The following PLPP4 variants were observed in gnomAD, a reference collection of about 807,000 sequenced individuals.
The protein encoded by PLPP4 is phospholipid phosphatase 4.
A neutral mutation model predicts 32.2 loss-of-function variants in PLPP4; 20 were observed. The ratio of observed to expected loss-of-function variants is 0.62; its 90% CI spans 0.44 to 0.90. The LOEUF (loss-of-function observed/expected upper bound fraction) is 0.90. Ranked by LOEUF, PLPP4 falls within the 40% of genes least tolerant of loss-of-function variation. The probability of loss-of-function intolerance (pLI) is 0.00; values close to 1 mark genes in which losing one functional copy is unlikely to be tolerated. For synonymous variants in PLPP4, 127 were observed against 133.0 expected, an observed-to-expected ratio of 0.95 and a Z score of 0.31; for missense variants, 257 against 353.1, an observed-to-expected ratio of 0.73 and a Z score of 2.18.
At chr10:120,540,014 A>AG (rs397689706) in intron 5 of PLPP4, among the ~76,000 whole-genome samples, 4 of 151,232 alleles carry the variant, frequency 2.6e-5, no homozygotes. Flanking sequence ...AAAAAAAAAA[A>AG]GGCTCAATTT....
At chr10:120,559,172 G>T (rs1017360369) in intron 5 of PLPP4, among the ~76,000 whole-genome samples, 3 of 151,894 alleles carry the variant, frequency 2.0e-5, no homozygotes, top group Non-Finnish European at 4.4e-5. Context: ...CATGCCTTTT[G>T]ACCATTTTTT....
chr10:120,503,588 A>G lies in PLPP4; in HGVS notation c.57-230A>G, dbSNP rs377341680. On this transcript the variant is annotated intron_variant, in intron 1 of 6. Transcript: ENST00000398250. ...ACAAAGCTACTCCCTTATGCATGGA[A>G]TTGGTCCTTCTGGCAGGTAGTGATG... 4 of 1,609,992 alleles carry G rather than the reference A, an allele frequency of 2.5e-6. No individual in the cohort carries two copies. In the African/African-American group the frequency reaches 4.0e-5, roughly 16 times the overall value.
At chr10:120,495,682 ATTGT>A (rs1229383567) in intron 1 of PLPP4, among the ~76,000 whole-genome samples, 1 of 151,934 alleles carries the variant, frequency 6.6e-6, no homozygotes, top group Admixed American at 6.6e-5. Context: ...TTTCTGGGCC[ATTGT>A]TTGTTCACAG....
intron 5 of PLPP4, among the ~76,000 whole-genome samples, chr10:120,545,476 A>G (rs10749378): frequency 0.78 from 117,943 of 152,000 alleles, 45,868 homozygotes; most frequent in East Asian, 0.88. Flanking sequence ...TTACCTTCTC[A>G]TAGCAGGCCC....
At chr10:120,517,243 C>G (rs1237595741) in intron 3 of PLPP4, among the ~76,000 whole-genome samples, 2 of 152,272 alleles carry the variant, frequency 1.3e-5, no homozygotes, top group South Asian at 4.2e-4. Context: ...AAAACACAGC[C>G]GTGAGCGTGG....
Position 120,457,292 on chromosome 10 carries a change from G to A in PLPP4, c.-14G>A, listed in dbSNP as rs113828650. ...AGCACCAGCTGACGCCGCGGGAGCTGCTCCGGCCGCACCATGCGGGAGCTG... is the reference window on the plus strand; with the variant it reads ...AGCACCAGCTGACGCCGCGGGAGCTACTCCGGCCGCACCATGCGGGAGCTG... On this transcript the variant is annotated 5_prime_UTR_variant, in exon 1 of 7. Coordinates refer to ENST00000398250, the MANE Select transcript of PLPP4 (RefSeq NM_001030059.3). 0.02 allele frequency: 30,663 copies of A among 1,512,986 alleles called. 445 individuals carry two copies. The highest frequency in any genetic ancestry group is 0.082 in the East Asian group (3,012 of 36,530). The allele number at this position is 1,512,986 out of a possible 1,614,324, so 93.7% of individuals were successfully genotyped here. A position where few individuals can be genotyped will look rare whatever the true frequency, so the allele number is the denominator to read the frequency against.
intron 5 of PLPP4, among the ~76,000 whole-genome samples, chr10:120,545,793 G>A (rs1393314187): frequency 6.6e-6 from 1 of 152,202 alleles, no homozygotes; most frequent in African/African-American, 2.4e-5. Context: ...TTGTTCCTGG[G>A]TTTATCTGTG....
At chr10:120,470,765 T>C (rs1296152383) in intron 1 of PLPP4, among the ~76,000 whole-genome samples, 4 of 149,508 alleles carry the variant, frequency 2.7e-5, no homozygotes, top group Admixed American at 2.0e-4. Flanking sequence ...GTAGGGAAAA[T>C]TTGCCCCCCC....
chr10:120,459,181 C>T (rs1564769638), intron 1 of PLPP4, among the ~76,000 whole-genome samples: 3 of 152,192 alleles, frequency 2.0e-5, no homozygotes, highest in Non-Finnish European at 2.9e-5. Context: ...AAAAGCTGGA[C>T]AGGCAGTTTA....
intron 1 of PLPP4, among the ~76,000 whole-genome samples, chr10:120,477,783 G>A (rs1276267803): frequency 6.6e-6 from 1 of 152,164 alleles, no homozygotes; most frequent in African/African-American, 2.4e-5. Context: ...AGATACTCAG[G>A]AAATACCAAG....
intron 5 of PLPP4, among the ~76,000 whole-genome samples, chr10:120,543,737 T>G (rs370673552): frequency 6.6e-6 from 1 of 152,282 alleles, no homozygotes; most frequent in East Asian, 1.9e-4. Context: ...CTTGCAGAAC[T>G]AAAACTCTGT....
intron 5 of PLPP4, among the ~76,000 whole-genome samples, chr10:120,554,637 C>T (rs1469765566): frequency 1.4e-5 from 2 of 145,442 alleles, no homozygotes; most frequent in African/African-American, 5.2e-5. Flanking sequence ...CTAATTAGCT[C>T]ACAGTTCTGC....
intron 6 of PLPP4, among the ~76,000 whole-genome samples, chr10:120,585,652 G>T (rs1224904684): frequency 1.3e-5 from 2 of 152,248 alleles, no homozygotes; most frequent in Admixed American, 1.3e-4. Flanking sequence ...AGGAAACTCA[G>T]AGAGGCAAAG....
chr10:120,584,909 G>A (rs1338320024), intron 6 of PLPP4, among the ~76,000 whole-genome samples: 1 of 152,192 alleles, frequency 6.6e-6, no homozygotes, highest in Non-Finnish European at 1.5e-5. Flanking sequence ...GAATTGGCAG[G>A]AATTGTCATT....
At chr10:120,583,366 A>T (rs1849607665) in intron 6 of PLPP4, among the ~76,000 whole-genome samples, 1 of 151,916 alleles carries the variant, frequency 6.6e-6, no homozygotes, top group Admixed American at 6.6e-5. Context: ...AGGCTGCCTG[A>T]TTGAAAGTCA....
intron 6 of PLPP4, among the ~76,000 whole-genome samples, chr10:120,579,374 C>A (rs866339578): frequency 6.6e-6 from 1 of 151,938 alleles, no homozygotes; most frequent in Non-Finnish European, 1.5e-5. Context: ...GCGTCTCGGT[C>A]ATTCACAGAC....
chr10:120,501,459 C>T (rs1213100674), intron 1 of PLPP4, among the ~76,000 whole-genome samples: 1 of 151,948 alleles, frequency 6.6e-6, no homozygotes, highest in African/African-American at 2.4e-5. Flanking sequence ...TCTGTCAGGC[C>T]CTACATATAT....
chr10:120,531,921 T>A (rs1306827828), intron 5 of PLPP4, among the ~76,000 whole-genome samples: 2 of 151,582 alleles, frequency 1.3e-5, no homozygotes, highest in East Asian at 3.9e-4. Context: ...CACACATACA[T>A]ATTTTATACT....
chr10:120,463,304 G>A (rs1183978489), intron 1 of PLPP4, among the ~76,000 whole-genome samples: 1 of 152,132 alleles, frequency 6.6e-6, no homozygotes, highest in Non-Finnish European at 1.5e-5. Context: ...GGGATTACAG[G>A]CGTGAGCCAC....
Sources: gnomAD v4.1 joint callset for allele counts (sites outside exome capture counted in the v4.1 genomes callset) on GRCh38, gnomAD v4.1.1 for gene constraint, MANE v1.5 for transcripts, NCBI Gene and HGNC (gene_info 2026-07-23, HGNC 2026-07-21) for gene names.